The following DAB1 variants were observed in gnomAD, a reference collection of about 807,000 sequenced individuals.
DAB1 encodes disabled homolog 1.
In DAB1, 15 loss-of-function variants were observed where a neutral mutation model predicts 64.6. That is an observed-to-expected ratio of 0.23 (90% CI 0.16 to 0.36). The LOEUF (loss-of-function observed/expected upper bound fraction) is 0.36, where lower values mean the gene tolerates loss of function less well. Among genes scored for constraint, DAB1 ranks in the 10% least tolerant of loss-of-function variants. The pLI is 1.00. For synonymous variants in DAB1, 235 were observed against 251.9 expected, an observed-to-expected ratio of 0.93 and a Z score of 0.64; for missense variants, 596 against 706.7, an observed-to-expected ratio of 0.84 and a Z score of 1.78.
At chr1:57,653,907 G>A (rs1052244032) in intron 6 of DAB1, among the ~76,000 whole-genome samples, 3 of 152,270 alleles carry the variant, frequency 2.0e-5, no homozygotes, top group South Asian at 2.1e-4. Flanking sequence ...CACTGTGCCC[G>A]GCCTATTAGA....
intron 7 of DAB1, among the ~76,000 whole-genome samples, chr1:57,613,025 C>G (rs1645747468): frequency 6.6e-6 from 1 of 152,042 alleles, no homozygotes; most frequent in Admixed American, 6.5e-5. Context: ...ACACAGCAGT[C>G]AACACAACTC....
intron 2 of DAB1, among the ~76,000 whole-genome samples, chr1:57,273,549 G>GCCTTCCTT (rs1671189974): frequency 1.9e-3 from 142 of 75,626 alleles, no homozygotes; most frequent in Admixed American, 6.9e-3. Context: ...CTGCCTGCCT[G>GCCTTCCTT]CCTGCCTTCC....
chr1:57,244,896 A>G (rs1040848107), intron 2 of DAB1, among the ~76,000 whole-genome samples: 6 of 152,182 alleles, frequency 3.9e-5, no homozygotes. Context: ...CCTTACCCAA[A>G]TCTCATGTCG....
chr1:58,303,592 A>G (rs1236477867), intron 4 of DAB1, among the ~76,000 whole-genome samples: 2 of 152,226 alleles, frequency 1.3e-5, no homozygotes, highest in Non-Finnish European at 2.9e-5. Flanking sequence ...TGACACCCAT[A>G]CAAGAAATGC....
intron 6 of DAB1, among the ~76,000 whole-genome samples, chr1:57,753,716 C>T (rs1422255616): frequency 6.6e-6 from 1 of 152,122 alleles, no homozygotes; most frequent in East Asian, 1.9e-4. Context: ...GTTACCCTAA[C>T]TCTGTGAAGA....
intron 5 of DAB1, among the ~76,000 whole-genome samples, chr1:57,959,001 A>G (rs1490336064): frequency 3.9e-5 from 6 of 152,192 alleles, no homozygotes; most frequent in Non-Finnish European, 8.8e-5. Flanking sequence ...CACAAAGTCA[A>G]CCCTAACAGA....
intron 6 of DAB1, among the ~76,000 whole-genome samples, chr1:57,670,599 C>G (rs1202514822): frequency 1.3e-5 from 2 of 152,092 alleles, no homozygotes; most frequent in Non-Finnish European, 2.9e-5. Flanking sequence ...AGTGGTAATG[C>G]TGGCTAACTG....
chr1:57,139,811 G>C (rs1453722769), intron 3 of DAB1, among the ~76,000 whole-genome samples: 1 of 152,134 alleles, frequency 6.6e-6, no homozygotes, highest in Non-Finnish European at 1.5e-5. Flanking sequence ...GTAGAATATG[G>C]CTGTAGGTAA....
chr1:57,284,823 A>T (rs1672187950), intron 2 of DAB1, among the ~76,000 whole-genome samples: 1 of 152,268 alleles, frequency 6.6e-6, no homozygotes, highest in Admixed American at 6.5e-5. Flanking sequence ...CCTGAGTGTG[A>T]CATTACTGAA....
chr1:57,071,691 C>T (rs750030630), intron 5 of DAB1, 50 bp from the exon 6 acceptor site: 2 of 1,566,880 alleles, frequency 1.3e-6, no homozygotes, highest in Non-Finnish European at 1.7e-6. Context: ...TACTGAGACG[C>T]AGCAACAAAT....
intron 6 of DAB1, among the ~76,000 whole-genome samples, chr1:57,743,095 T>C (rs1438601047): frequency 6.6e-6 from 1 of 152,182 alleles, no homozygotes; most frequent in Non-Finnish European, 1.5e-5. Context: ...CTGTCCTGAG[T>C]TCAAAGAGCA....
chr1:57,482,793 G>A (rs80025358), intron 7 of DAB1, among the ~76,000 whole-genome samples: 1,555 of 152,202 alleles, frequency 0.01, 30 homozygotes, highest in African/African-American at 0.035. Context: ...ATTAAGCATG[G>A]TGGATTTTAT....
chr1:57,795,707 ATATATATATATATATATATATATATATC>A (rs1650820764), intron 6 of DAB1, among the ~76,000 whole-genome samples: 1 of 127,164 alleles, frequency 7.9e-6, no homozygotes, highest in African/African-American at 3.0e-5. Context: ...ATATATATAT[ATATATATATATATATATATATATATATC>A]ATACACATGT....
intron 2 of DAB1, among the ~76,000 whole-genome samples, chr1:57,201,376 A>G (rs1665082880): frequency 6.7e-6 from 1 of 149,848 alleles, no homozygotes; most frequent in African/African-American, 2.5e-5. Context: ...GTCCTTTAAG[A>G]CCCAGGACAC....
chr1:57,096,936 A>T (rs1654220279), intron 4 of DAB1, among the ~76,000 whole-genome samples: 1 of 152,180 alleles, frequency 6.6e-6, no homozygotes, highest in South Asian at 2.1e-4. Flanking sequence ...AGGAGGGCTT[A>T]CTGATCACAG....
chr1:57,400,993 TAA>T (rs11462115), intron 1 of DAB1, among the ~76,000 whole-genome samples: 3 of 137,848 alleles, frequency 2.2e-5, no homozygotes, highest in African/African-American at 2.7e-5. Context: ...AGCTCTCTCT[TAA>T]AAAAAAAAAA....
At chr1:58,357,991 A>C (rs2100521901) in intron 3 of DAB1, among the ~76,000 whole-genome samples, 1 of 152,248 alleles carries the variant, frequency 6.6e-6, no homozygotes, top group Admixed American at 6.5e-5. Context: ...AGATTGCCAA[A>C]CCTTAATTCA....
At chr1:58,037,336 T>G (rs1362287535) in intron 5 of DAB1, among the ~76,000 whole-genome samples, 1 of 152,136 alleles carries the variant, frequency 6.6e-6, no homozygotes, top group Non-Finnish European at 1.5e-5. Context: ...GGGTCTATGC[T>G]GCCTCCAGAT....
intron 7 of DAB1, among the ~76,000 whole-genome samples, chr1:57,469,434 A>C (rs1194323699): frequency 6.6e-6 from 1 of 152,098 alleles, no homozygotes; most frequent in Non-Finnish European, 1.5e-5. Context: ...TTTCTATCTC[A>C]TGTCTTCCCT....
Sources: allele counts gnomAD v4.1 joint callset (sites outside exome capture counted in the v4.1 genomes callset), GRCh38; gene constraint gnomAD v4.1.1; transcripts MANE v1.5; gene names NCBI Gene and HGNC (gene_info 2026-07-23, HGNC 2026-07-21).